ALX4: variants seen among roughly 807,000 people sequenced by gnomAD.
ALX4 encodes ALX homeobox 4.
In ALX4, 22 loss-of-function variants were observed where a neutral mutation model predicts 40.6. The observed-to-expected ratio is 0.54, with a 90% CI of 0.39 to 0.77. The LOEUF (loss-of-function observed/expected upper bound fraction) is 0.77. Among genes scored for constraint, ALX4 ranks in the 30% least tolerant of loss-of-function variants. The pLI is 0.00. For synonymous variants in ALX4, 266 were observed against 240.5 expected (o/e 1.11, Z -0.98); for missense variants, 556 against 564.8 (o/e 0.98, Z 0.16).
Position 44,275,496 on chromosome 11 carries a change from T to C in ALX4, c.629A>G (p.Asn210Ser). The part of the protein sequence containing the change: ...SPLEKADSES[N>S]KGKKRRNRTT... ...CCGGTTCCGCCGCTTCTTGCCCTTG[T>C]TGCTCTCTGAGTCGGCCTTCTCCAA... Residue 210 changes from asparagine to serine, a missense_variant, in exon 2 of 4, where the codon AAC becomes AGC. By Grantham distance (46) the Asn-to-Ser change is conservative (BLOSUM62 1). Transcript: ENST00000652299. The C allele has an allele frequency of 6.2e-7, 1 of 1,614,054 alleles. No homozygotes were observed. Among genetic ancestry groups the C allele is most frequent in the Non-Finnish European group, 8.5e-7 (1 of 1,179,882 alleles).
Position 44,309,758 on chromosome 11 carries a change from G to GAC in ALX4, c.304_305insGT (p.Pro102ArgfsTer80). The stretch of plus-strand genomic sequence containing the variant: ...CTGCTGCTGCGGCTGCGGCTGCGGC[G>GAC]GCGGCTGGGGCTGCGGGGTCGACGG... On this transcript the variant is annotated frameshift_variant, in exon 1 of 4. Transcript: ENST00000652299. LOFTEE classifies it high-confidence loss of function. 1.3e-6 allele frequency: 2 copies of GAC among 1,545,076 alleles called. No homozygotes were observed. The highest frequency in any genetic ancestry group is 4.9e-5 in the East Asian group (2 of 40,856).
At position 44,267,408 on chromosome 11, in the gene ALX4, G is replaced by A. The variant is rs116622488; in HGVS notation, c.906+86C>T. On this transcript the variant is annotated intron_variant, in intron 3 of 3. Transcript: ENST00000652299. ...GCAGCCTGGAGCCATAAGTCATCTC[G>A]GGGTGCCTGGGCTCTCCTCCAAGGG... 2.2e-3 allele frequency: 3,445 copies of A among 1,562,350 alleles called. 52 individuals carry two copies. The African/African-American group carries it at 0.038, about 17-fold the overall frequency.
chr11:44,268,799 C>T (rs1465295833), intron 2 of ALX4, among the ~76,000 whole-genome samples: 2 of 152,164 alleles, frequency 1.3e-5, no homozygotes, highest in Non-Finnish European at 1.5e-5. Flanking sequence ...TGGTGCTCCT[C>T]AGAGGGAGGC....
At chr11:44,268,528 C>T (rs562424237) in intron 2 of ALX4, among the ~76,000 whole-genome samples, 4 of 152,046 alleles carry the variant, frequency 2.6e-5, no homozygotes, top group Non-Finnish European at 5.9e-5. Context: ...GGGAGCCCAA[C>T]GGGGGAGGGG....
intron 1 of ALX4, among the ~76,000 whole-genome samples, chr11:44,303,733 A>G (rs1372480427): frequency 6.6e-6 from 1 of 152,202 alleles, no homozygotes; most frequent in African/African-American, 2.4e-5. Flanking sequence ...GGCCGGGGCC[A>G]GGGCCGGTGC....
chr11:44,269,163 G>A (rs1956230614), intron 2 of ALX4, among the ~76,000 whole-genome samples: 1 of 152,254 alleles, frequency 6.6e-6, no homozygotes. Context: ...CTTCCTCACA[G>A]ACGCTGCCTG....
Position 44,264,961 on chromosome 11 carries a change from G to A in ALX4, c.1129C>T (p.Leu377Phe), listed in dbSNP as rs763704637. The A allele has an allele frequency of 6.2e-7, 1 of 1,613,252 alleles. No homozygotes were observed. Among genetic ancestry groups the A allele is most frequent in the South Asian group, 1.1e-5 (1 of 91,086 alleles). ...TCGCCGTTGAGCTCGTAGCCATTGAGGCCTGGGCTGAGGCTGGCTGCTCCA... is the reference window on the plus strand; with the variant it reads ...TCGCCGTTGAGCTCGTAGCCATTGAAGCCTGGGCTGAGGCTGGCTGCTCCA... The part of the protein sequence containing the change: ...LFGAASLSPG[L>F]NGYELNGEPD... The change falls in exon 4 of 4, where the codon CTC becomes TTC. Residue 377 changes from leucine (L) to phenylalanine (F), a missense_variant. By Grantham distance (22) the Leu-to-Phe change is conservative (BLOSUM62 0). Transcript: ENST00000652299.
intron 2 of ALX4, among the ~76,000 whole-genome samples, chr11:44,270,360 C>T (rs1014428060): frequency 7.2e-5 from 11 of 151,964 alleles, no homozygotes; most frequent in Non-Finnish European, 1.5e-4. Flanking sequence ...GGTGAGCGAC[C>T]GGTGGGAGCA....
intron 2 of ALX4, among the ~76,000 whole-genome samples, chr11:44,271,193 C>T (rs557348362): frequency 2.6e-5 from 4 of 152,366 alleles, no homozygotes; most frequent in African/African-American, 9.6e-5. Flanking sequence ...GGGCTCAACC[C>T]AGAGGTCTGA....
chr11:44,280,223 G>A (rs1380911481), intron 1 of ALX4, among the ~76,000 whole-genome samples: 1 of 152,214 alleles, frequency 6.6e-6, no homozygotes, highest in Non-Finnish European at 1.5e-5. Context: ...TCCATGCAGA[G>A]AGCAAGGGAC....
Position 44,264,727 on chromosome 11 carries a change from T to C in ALX4, c.*127A>G, listed in dbSNP as rs1352366940. On this transcript the variant is annotated 3_prime_UTR_variant, in exon 4 of 4. Coordinates refer to ENST00000652299, the MANE Select transcript of ALX4 (RefSeq NM_021926.4). The stretch of plus-strand genomic sequence containing the variant: ...GCCTCAGACTTGGGGCGGCTGAAAG[T>C]GCTGAGGGTCAGGCCCCTGGCCCAG... 2.8e-6 allele frequency: 3 copies of C among 1,078,898 alleles called. No individual in the cohort carries two copies. Among genetic ancestry groups the C allele is most frequent in the Non-Finnish European group, 4.0e-6 (3 of 757,964 alleles). The allele number at this position is 1,078,898 out of a possible 1,614,324, so 66.8% of individuals were successfully genotyped here. A position where few individuals can be genotyped will look rare whatever the true frequency, so the allele number is the denominator to read the frequency against.
intron 1 of ALX4, among the ~76,000 whole-genome samples, chr11:44,290,253 C>A (rs1956361832): frequency 6.6e-6 from 1 of 152,210 alleles, no homozygotes; most frequent in African/African-American, 2.4e-5. Context: ...TCACTTTCAT[C>A]CAGAGGCTGG....
chr11:44,265,011 C>T lies in ALX4; in HGVS notation c.1079G>A (p.Gly360Asp). The T allele has an allele frequency of 3.1e-6, 5 of 1,613,068 alleles. No homozygotes were observed. Among genetic ancestry groups the T allele is most frequent in the Non-Finnish European group, 4.2e-6 (5 of 1,179,944 alleles). ...LSVSGAGSHV[G>D]QTHMGSLFGA... The stretch of plus-strand genomic sequence containing the variant: ...AAACAGGCTGCCCATGTGCGTCTGG[C>T]CCACGTGACTGCCAGCCCCAGACAC... Residue 360 changes from glycine (G) to aspartate (D), a missense_variant, in exon 4 of 4, where the codon GGC becomes GAC. Coordinates refer to ENST00000652299, the MANE Select transcript of ALX4 (RefSeq NM_021926.4).
intron 1 of ALX4, among the ~76,000 whole-genome samples, chr11:44,307,041 C>T (rs1956472734): frequency 6.6e-6 from 1 of 152,152 alleles, no homozygotes; most frequent in Admixed American, 6.5e-5. Flanking sequence ...TAGTTACAGG[C>T]TGCCTTTGGT....
intron 1 of ALX4, among the ~76,000 whole-genome samples, chr11:44,289,989 C>G (rs970838363): frequency 3.3e-5 from 5 of 152,342 alleles, no homozygotes; most frequent in South Asian, 2.1e-4. Flanking sequence ...ACCAGACCCT[C>G]CCTTCACAGC....
intron 2 of ALX4, among the ~76,000 whole-genome samples, chr11:44,267,886 A>G (rs895383252): frequency 1.5e-4 from 23 of 152,238 alleles, no homozygotes; most frequent in African/African-American, 5.3e-4. Context: ...TCTAAGCTTG[A>G]GAATCTAGAG....
chr11:44,271,731 G>C (rs942128651), intron 2 of ALX4, among the ~76,000 whole-genome samples: 1 of 152,176 alleles, frequency 6.6e-6, no homozygotes, highest in Non-Finnish European at 1.5e-5. Flanking sequence ...TGTGTGTGCA[G>C]AGAACACTCT....
At chr11:44,278,014 T>A (rs1254677980) in intron 1 of ALX4, among the ~76,000 whole-genome samples, 1 of 149,240 alleles carries the variant, frequency 6.7e-6, no homozygotes, top group Non-Finnish European at 1.5e-5. Flanking sequence ...GTTTTAGGTT[T>A]TTTTTTTTTT....
intron 1 of ALX4, among the ~76,000 whole-genome samples, chr11:44,277,398 A>G (rs1406014758): frequency 5.3e-5 from 8 of 152,150 alleles, no homozygotes; most frequent in Admixed American, 2.6e-4. Flanking sequence ...CCTTGTCTGT[A>G]ACTTGGGGAA....
Sources: gnomAD v4.1 joint callset for allele counts (sites outside exome capture counted in the v4.1 genomes callset) on GRCh38, gnomAD v4.1.1 for gene constraint, MANE v1.5 for transcripts, NCBI Gene and HGNC (gene_info 2026-07-23, HGNC 2026-07-21) for gene names.